MTG1: variants seen among roughly 807,000 people sequenced by gnomAD.
MTG1 encodes mitochondrial ribosome associated GTPase 1, also known as mitochondrial ribosome-associated GTPase 1.
MTG1 carries 30 observed loss-of-function variants against 39.5 expected under a neutral mutation model. The observed-to-expected ratio is 0.76, with a 90% CI of 0.57 to 1.03. The LOEUF (loss-of-function observed/expected upper bound fraction) is 1.03, where lower values mean the gene tolerates loss of function less well. Ranked by LOEUF, MTG1 falls within the 50% of genes least tolerant of loss-of-function variation. The pLI, the probability that MTG1 is intolerant of heterozygous loss-of-function variation, is 0.00. For missense variants in MTG1, 513 were observed against 447.4 expected (o/e 1.15, Z -1.32); for synonymous variants, 217 against 179.0 (o/e 1.21, Z -1.69).
chr10:133,422,462 A>T lies in MTG1; in HGVS notation c.*2297A>T, dbSNP rs1455259370. The T allele has an allele frequency of 6.6e-6, 1 of 152,276 alleles. No individual in the cohort carries two copies. Among genetic ancestry groups the T allele is most frequent in the African/African-American group, 2.4e-5 (1 of 41,450 alleles). 9.4% of individuals were successfully genotyped at this position (152,276 alleles called of 1,614,324 possible). A position where few individuals can be genotyped will look rare whatever the true frequency, so the allele number is the denominator to read the frequency against. On this transcript the variant is annotated 3_prime_UTR_variant, in exon 11 of 11. Transcript: ENST00000317502. ...TTCAAAGGACTTGGAAAGCTCTGGA[A>T]TGTGTTGGTTTTTCCCCCCCAAAAT...
intron 9 of MTG1, among the ~76,000 whole-genome samples, chr10:133,408,268 G>A (rs2265640): frequency 0.96 from 146,593 of 152,344 alleles, 70,801 homozygotes; most frequent in East Asian, 1. Flanking sequence ...AGCTTTTATC[G>A]TGAAGCGATG....
chr10:133,411,010 C>G (rs1194172047), intron 9 of MTG1, among the ~76,000 whole-genome samples: 2 of 152,166 alleles, frequency 1.3e-5, no homozygotes, highest in Non-Finnish European at 1.5e-5. Flanking sequence ...TGAATGCACA[C>G]CACATTCACA....
At chr10:133,396,311 T>C in intron 3 of MTG1, 44 bp downstream of exon 3, 1 of 1,522,974 alleles carries the variant, frequency 6.6e-7, no homozygotes, top group Non-Finnish European at 9.1e-7. Flanking sequence ...GTGGCTGTGT[T>C]TTCCCGAGGT....
At chr10:133,401,233 G>C (rs1849870010) in intron 6 of MTG1, among the ~76,000 whole-genome samples, 1 of 152,192 alleles carries the variant, frequency 6.6e-6, no homozygotes, top group African/African-American at 2.4e-5. Flanking sequence ...TTAGGTTCTG[G>C]TGCATTTGTT....
Position 133,419,492 on chromosome 10 carries a change from C to G in MTG1, c.765C>G (p.His255Gln), listed in dbSNP as rs754675931. ...NKHQRFGYVQ[H>Q]YGLGSACDNV... ...AGCCTATGTGCAGGTACGTGCAGCA[C>G]TACGGCCTGGGCAGTGCCTGTGACA... Residue 255 changes from histidine to glutamine, a missense_variant, in exon 10 of 11, where the codon CAC (histidine) becomes CAG (glutamine). His to Gln is a conservative substitution (Grantham distance 24). Coordinates refer to ENST00000317502, the MANE Select transcript of MTG1 (RefSeq NM_138384.4). The G allele has an allele frequency of 6.2e-7, 1 of 1,601,010 alleles. No homozygotes were observed. The highest frequency in any genetic ancestry group is 8.5e-7 in the Non-Finnish European group (1 of 1,174,420).
In MTG1 at chr10:133,400,356, C is replaced by T. The variant is rs965024013; in HGVS notation, c.511+737C>T. 3.9e-5 allele frequency among the ~76,000 whole-genome samples: 6 copies of T among 152,332 alleles called. No individual in the cohort carries two copies. The South Asian group carries it at 8.3e-4, about 21-fold the overall frequency. On this transcript the variant is annotated intron_variant, in intron 6 of 10. Coordinates refer to ENST00000317502, the MANE Select transcript of MTG1 (RefSeq NM_138384.4). The stretch of plus-strand genomic sequence containing the variant: ...GGTTCCTGGACTCCGGAGTCGCAGG[C>T]GCTCCTTTCCTCCCTCTGTGCCTGT...
In MTG1 at chr10:133,396,260, A is replaced by G; in HGVS notation, c.275A>G (p.Glu92Gly). 6.2e-7 allele frequency: 1 copy of G among 1,613,882 alleles called. No homozygotes were observed. Among genetic ancestry groups the G allele is most frequent in the Non-Finnish European group, 8.5e-7 (1 of 1,179,736 alleles). The change falls in exon 3 of 11, where the codon GAG (glutamate) becomes GGG (glycine). Residue 92 changes from glutamate to glycine, a missense_variant. Glu to Gly is a moderately conservative substitution (Grantham distance 98, BLOSUM62 -2). Coordinates refer to ENST00000317502, the MANE Select transcript of MTG1 (RefSeq NM_138384.4). The part of the protein sequence containing the change: ...LNKMDLADLT[E>G]QQKIMQHLEG... ...AAGATGGACTTGGCGGATCTTACAG[A>G]GCAGCAGGTAAAGGCCTTTCTCTCA... is the stretch of plus-strand genomic sequence containing the variant.
rs1849885885 is a variant in MTG1, at chr10:133,402,093, C to G, written c.574-56C>G. 1.2e-6 allele frequency: 2 copies of G among 1,607,926 alleles called. No homozygotes were observed. Among genetic ancestry groups the G allele is most frequent in the African/African-American group, 1.3e-5 (1 of 74,934 alleles). On this transcript the variant is annotated intron_variant, in intron 7 of 10. Transcript: ENST00000317502. This position sits in a 1 kb window ranked among gnomAD's most constrained non-coding sequence, Gnocchi z 4.7. Reference sequence around the variant, plus strand: ...GGGCTGCCCAGGCTTCCTGAGTGGCCCACCTGGGTGGGAGGCTGCCACCGC... The same window carrying G: ...GGGCTGCCCAGGCTTCCTGAGTGGCGCACCTGGGTGGGAGGCTGCCACCGC...
chr10:133,419,401 CAGGAGGA>C, intron 9 of MTG1, 72 bp from the exon 10 acceptor site: 1 of 1,258,306 alleles, frequency 7.9e-7, no homozygotes, highest in Non-Finnish European at 1.1e-6. Flanking sequence ...TTGTGGCATT[CAGGAGGA>C]AGGGCCCGGC....
In MTG1 at chr10:133,402,486, CAG is replaced by C. The variant is rs970040240; in HGVS notation, c.671-201_671-200del. 1 of 690,664 alleles carries C rather than the reference CAG, an allele frequency of 1.4e-6. No individual in the cohort carries two copies. The highest frequency in any genetic ancestry group is 1.8e-5 in the African/African-American group (1 of 55,872). The allele number at this position is 690,664 out of a possible 1,614,324, so 42.8% of individuals were successfully genotyped here. On this transcript the variant is annotated intron_variant, in intron 8 of 10. Coordinates refer to ENST00000317502, the MANE Select transcript of MTG1 (RefSeq NM_138384.4). The surrounding 1 kb of genome is among the most constrained non-coding windows in gnomAD (Gnocchi z 4.7). ...CCTTTCCCCATTTGACGGACCAGGG[CAG>C]AGAGGTTGGTCGCAGGTGCCAGGCA...
At chr10:133,397,877 G>T (rs1241672325) in intron 3 of MTG1, among the ~76,000 whole-genome samples, 1 of 150,062 alleles carries the variant, frequency 6.7e-6, no homozygotes, top group Non-Finnish European at 1.5e-5. Context: ...GTGACTTTTT[G>T]TAGACTGGTG....
At chr10:133,406,464 T>G (rs1420460019) in intron 9 of MTG1, among the ~76,000 whole-genome samples, 1 of 151,014 alleles carries the variant, frequency 6.6e-6, no homozygotes, top group Non-Finnish European at 1.5e-5. Context: ...GCTTGCTGAT[T>G]GTTTCCTTTG....
intron 9 of MTG1, among the ~76,000 whole-genome samples, chr10:133,403,375 C>G (rs975868873): frequency 6.2e-5 from 9 of 144,458 alleles, no homozygotes; most frequent in African/African-American, 2.3e-4. Flanking sequence ...CCTGCTCCTC[C>G]TTCGTGAAAT....
rs1041686269 is a variant in MTG1 at position 133,419,999 on chromosome 10, T to C, written c.866-27T>C. On this transcript the variant is annotated intron_variant, in intron 10 of 10. Transcript: ENST00000317502. ...GGCCTGTCCTGCTGTGAAGGCTCCT[T>C]CCTCACTGAACCCTCCCGTCCCCCA... 4 of 1,586,662 alleles carry C rather than the reference T, an allele frequency of 2.5e-6. No individual in the cohort carries two copies. In the African/African-American group the frequency reaches 5.4e-5, roughly 21 times the overall value.
intron 4 of MTG1, among the ~76,000 whole-genome samples, chr10:133,398,847 G>C (rs559996074): frequency 3.3e-5 from 5 of 152,248 alleles, no homozygotes; most frequent in Admixed American, 1.3e-4. Flanking sequence ...CTGAAGCCCC[G>C]GGTCTGCCCT....
intron 1 of MTG1, chr10:133,394,583 C>T (rs1849752755): frequency 7.6e-7 from 1 of 1,319,078 alleles, no homozygotes; most frequent in Admixed American, 4.2e-5. Context: ...CCAGGGCCTG[C>T]TTGACCTCCT....
At chr10:133,401,464 C>CCT (rs906449031) in intron 6 of MTG1, 65 bp from the exon 7 acceptor site, 23 of 1,399,414 alleles carry the variant, frequency 1.6e-5, no homozygotes, top group Non-Finnish European at 2.1e-5. Flanking sequence ...CATACGTCTC[C>CCT]CTACTTGTTC....
At chr10:133,408,728 A>T (rs1054024516) in intron 9 of MTG1, among the ~76,000 whole-genome samples, 2 of 152,072 alleles carry the variant, frequency 1.3e-5, no homozygotes, top group Admixed American at 6.5e-5. Flanking sequence ...CTTGTTACTT[A>T]TTATCGATCT....
chr10:133,396,493 C>T (rs1189008244), intron 3 of MTG1, among the ~76,000 whole-genome samples: 1 of 152,198 alleles, frequency 6.6e-6, no homozygotes, highest in East Asian at 1.9e-4. Flanking sequence ...GTGCACGTCT[C>T]CTGTGGGAAG....
Sources: allele counts gnomAD v4.1 joint callset (sites outside exome capture counted in the v4.1 genomes callset), GRCh38; gene constraint gnomAD v4.1.1; non-coding constraint Gnocchi (gnomAD v3.1); transcripts MANE v1.5; gene names NCBI Gene and HGNC (gene_info 2026-07-23, HGNC 2026-07-21).